The following PAWR variants were observed in gnomAD, a reference collection of about 807,000 sequenced individuals.
The protein encoded by PAWR is PRKC apoptosis WT1 regulator protein.
Under a neutral mutation model 32.0 loss-of-function variants are expected in PAWR, and 23 were observed. The observed-to-expected ratio is 0.72, with a 90% CI of 0.52 to 1.02. The LOEUF (loss-of-function observed/expected upper bound fraction) is 1.02. PAWR is among the 50% of genes least tolerant of loss of function. The pLI, the probability that PAWR is intolerant of heterozygous loss-of-function variation, is 0.00. For synonymous variants in PAWR, 226 were observed against 187.1 expected (o/e 1.21, Z -1.70); for missense variants, 457 against 437.7 (o/e 1.04, Z -0.39).
At chr12:79,683,135 T>C (rs146332591) in intron 2 of PAWR, among the ~76,000 whole-genome samples, 1 of 152,324 alleles carries the variant, frequency 6.6e-6, no homozygotes, top group Non-Finnish European at 1.5e-5. Context: ...TGACATTACA[T>C]AAATGTTTAA....
At chr12:79,688,259 T>C (rs1878781514) in intron 2 of PAWR, 1 of 152,026 alleles carries the variant, frequency 6.6e-6, no homozygotes, top group African/African-American at 2.4e-5. Context: ...AAAATAATTT[T>C]AGCACATGCA....
Position 79,588,817 on chromosome 12 carries a change from A to G in PAWR, c.*3790T>C, listed in dbSNP as rs950766202. ...TCTAGCTAAGTAAAATAAAAACAAT[A>G]TGGACTCAGATTTTCTTAGGAGATA... is the stretch of plus-strand genomic sequence containing the variant. On this transcript the variant is annotated 3_prime_UTR_variant, in exon 7 of 7. Coordinates refer to ENST00000328827, the MANE Select transcript of PAWR (RefSeq NM_002583.4). 2 of 152,042 alleles carry G rather than the reference A, an allele frequency of 1.3e-5. No individual in the cohort carries two copies. The highest frequency in any genetic ancestry group is 4.8e-5 in the African/African-American group (2 of 41,454). 9.4% of individuals were successfully genotyped at this position (152,042 alleles called of 1,614,324 possible).
intron 2 of PAWR, among the ~76,000 whole-genome samples, chr12:79,627,262 A>G (rs944619316): frequency 3.3e-5 from 5 of 151,996 alleles, no homozygotes; most frequent in African/African-American, 1.2e-4. Context: ...TTGTTTCCTG[A>G]CTTTTTAATG....
chr12:79,634,611 T>C (rs1232472452), intron 2 of PAWR, among the ~76,000 whole-genome samples: 3 of 152,260 alleles, frequency 2.0e-5, no homozygotes, highest in Middle Eastern at 6.8e-3. Context: ...GGTGTAACTA[T>C]TTGTTAGTTA....
At chr12:79,618,815 C>G (rs960522600) in intron 3 of PAWR, among the ~76,000 whole-genome samples, 2 of 152,032 alleles carry the variant, frequency 1.3e-5, no homozygotes, top group African/African-American at 4.8e-5. Flanking sequence ...GATGTCTTAA[C>G]TATATTTCTG....
chr12:79,688,619 T>C (rs1174375308), intron 2 of PAWR, among the ~76,000 whole-genome samples: 2 of 152,146 alleles, frequency 1.3e-5, no homozygotes, highest in Admixed American at 6.5e-5. Flanking sequence ...AACGCTCATA[T>C]AAATACGTCC....
At chr12:79,605,900 C>T (rs1414074026) in intron 4 of PAWR, among the ~76,000 whole-genome samples, 1 of 152,016 alleles carries the variant, frequency 6.6e-6, no homozygotes, top group Non-Finnish European at 1.5e-5. Flanking sequence ...ATGGTGAAAC[C>T]CTATCTCTAC....
At chr12:79,626,284 G>C (rs891395386) in intron 2 of PAWR, among the ~76,000 whole-genome samples, 5 of 149,088 alleles carry the variant, frequency 3.4e-5, no homozygotes, top group African/African-American at 1.2e-4. Flanking sequence ...TTTTGAGATG[G>C]GGTCTTGCTG....
chr12:79,647,967 T>C (rs1181084648), intron 2 of PAWR, among the ~76,000 whole-genome samples: 2 of 151,994 alleles, frequency 1.3e-5, no homozygotes, highest in African/African-American at 4.8e-5. Context: ...ATAAAGAGCA[T>C]GCAACCTAGA....
At chr12:79,596,946 A>T (rs1431514374) in intron 4 of PAWR, 2 of 302,504 alleles carry the variant, frequency 6.6e-6, no homozygotes, top group Non-Finnish European at 1.2e-5. Flanking sequence ...TGCCCTTCAT[A>T]GAGCTTTTGG....
intron 4 of PAWR, chr12:79,604,316 T>C (rs1565998766): frequency 6.0e-6 from 6 of 1,002,546 alleles, no homozygotes; most frequent in Non-Finnish European, 7.1e-6. Flanking sequence ...TCATCAAAGA[T>C]AAATGCCACC....
At position 79,689,955 on chromosome 12, in the gene PAWR, A is replaced by C; in HGVS notation, c.290T>G (p.Met97Arg). Residue 97 changes from methionine (M) to arginine (R), a missense_variant, in exon 2 of 7, where the codon ATG becomes AGG. Met to Arg is a moderately conservative substitution (Grantham distance 91). Transcript: ENST00000328827. ...GGVNCAVGSA[M>R]LTRAAPGPRR... ...CGGGCCGGGGGCCGCCCGCGTCAGC[A>C]TGGCGGAGCCGACCGCGCAGTTCAC... is the stretch of plus-strand genomic sequence containing the variant. 1.4e-6 allele frequency: 2 copies of C among 1,383,478 alleles called. No individual in the cohort carries two copies. The highest frequency in any genetic ancestry group is 3.4e-5 in the South Asian group (2 of 59,490). The allele number at this position is 1,383,478 out of a possible 1,614,324, so 85.7% of individuals were successfully genotyped here. A position where few individuals can be genotyped will look rare whatever the true frequency, so the allele number is the denominator to read the frequency against.
rs1157849925 is a variant in PAWR at position 79,587,277 on chromosome 12, G to C, written c.*5330C>G. 1 of 152,028 alleles carries C rather than the reference G, an allele frequency of 6.6e-6. No individual in the cohort carries two copies. Among genetic ancestry groups the C allele is most frequent in the African/African-American group, 2.4e-5 (1 of 41,438 alleles). The allele number at this position is 152,028 out of a possible 1,614,324, so 9.4% of individuals were successfully genotyped here. A position where few individuals can be genotyped will look rare whatever the true frequency, so the allele number is the denominator to read the frequency against. ...TGTTAGACTTGTATGACATTACTGA[G>C]AAGATTTAGAGTTCTAGAAGTAGAG... On this transcript the variant is annotated 3_prime_UTR_variant, in exon 7 of 7. Transcript: ENST00000328827.
intron 2 of PAWR, among the ~76,000 whole-genome samples, chr12:79,669,826 G>A (rs777807853): frequency 6.6e-6 from 1 of 151,526 alleles, no homozygotes; most frequent in Non-Finnish European, 1.5e-5. Context: ...TCCACCTCCC[G>A]GTTCAAACAT....
At chr12:79,597,735 G>C (rs1024275879) in intron 4 of PAWR, 1 of 152,168 alleles carries the variant, frequency 6.6e-6, no homozygotes, top group Non-Finnish European at 1.5e-5. Flanking sequence ...ACATATGTCA[G>C]TATTTAAAGT....
Position 79,689,988 on chromosome 12 carries a change from G to A in PAWR, c.257C>T (p.Pro86Leu). 1.5e-6 allele frequency: 2 copies of A among 1,318,074 alleles called. No homozygotes were observed. Among genetic ancestry groups the A allele is most frequent in the Non-Finnish European group, 1.9e-6 (2 of 1,040,026 alleles). 81.6% of individuals were successfully genotyped at this position (1,318,074 alleles called of 1,614,324 possible). ...GCCGACCGCGCAGTTCACGCCCCCG[G>A]GACCGGGGACGGCAGGTGCGGCCGG... The part of the protein sequence containing the change: ...GAPAAPAVPG[P>L]GGVNCAVGSA... Residue 86 changes from proline to leucine, a missense_variant, in exon 2 of 7, where the codon CCC becomes CTC. Coordinates refer to ENST00000328827, the MANE Select transcript of PAWR (RefSeq NM_002583.4).
chr12:79,619,029 TTTG>T lies in PAWR; in HGVS notation c.648+2044_648+2046del, dbSNP rs774669908. Among the ~76,000 whole-genome samples, 452 of 151,882 alleles carry T rather than the reference TTTG, an allele frequency of 3.0e-3. 1 individual carries two copies. The highest frequency in any genetic ancestry group is 5.0e-3 in the Non-Finnish European group (337 of 67,946). On this transcript the variant is annotated intron_variant, in intron 3 of 6. Transcript: ENST00000328827. ...AAAGCTAGATTAATAATTTTTAATA[TTTG>T]TTATTTAATAATTTTAATTGATAAA...
intron 2 of PAWR, among the ~76,000 whole-genome samples, chr12:79,661,175 G>A (rs2136823261): frequency 6.6e-6 from 1 of 151,250 alleles, no homozygotes; most frequent in East Asian, 2.0e-4. Context: ...CTTGAACCCG[G>A]GAGGCGGAGG....
chr12:79,647,387 A>C (rs781291667), intron 2 of PAWR, among the ~76,000 whole-genome samples: 3 of 152,146 alleles, frequency 2.0e-5, no homozygotes, highest in Non-Finnish European at 4.4e-5. Context: ...ATTAGGGGCA[A>C]GTTTTTTGGG....
Sources: allele counts gnomAD v4.1 joint callset (sites outside exome capture counted in the v4.1 genomes callset), GRCh38; gene constraint gnomAD v4.1.1; transcripts MANE v1.5; gene names NCBI Gene and HGNC (gene_info 2026-07-23, HGNC 2026-07-21).